The following PRR12 variants were observed in gnomAD, a reference collection of about 807,000 sequenced individuals.
PRR12 encodes the protein proline rich 12.
PRR12 carries 12 observed loss-of-function variants against 138.0 expected under a neutral mutation model. That is an observed-to-expected ratio of 0.09 (90% CI 0.06 to 0.14). PRR12 has a LOEUF of 0.14. PRR12 is among the 10% of genes least tolerant of loss of function. PRR12 has a pLI of 1.00. For synonymous variants in PRR12, 1,567 were observed against 1,291.7 expected, an observed-to-expected ratio of 1.21 and a Z score of -4.57; for missense variants, 2,692 against 2,861.3, an observed-to-expected ratio of 0.94 and a Z score of 1.35.
rs550171198 is a variant in PRR12, at chr19:49,599,047, G to A, written c.3679-225G>A. Among the ~76,000 whole-genome samples the A allele has an allele frequency of 2.0e-4, 27 of 135,960 alleles. 1 individual carries two copies. In the South Asian group the frequency reaches 6.4e-3, roughly 32 times the overall value. The allele number at this position is 135,960 out of a possible 152,430, so 89.2% of individuals were successfully genotyped here. A position where few individuals can be genotyped will look rare whatever the true frequency, so the allele number is the denominator to read the frequency against. On this transcript the variant is annotated intron_variant, in intron 4 of 13. Transcript: ENST00000418929. The surrounding 1 kb of genome is among the most constrained non-coding windows in gnomAD (Gnocchi z 5.0). ...TCATGGGAAGCGGGTCTAGGGACCT[G>A]AACTGGGCTGTAAGTGAAGAGGCTC...
At chr19:49,619,535 C>CTTTTT (rs760207958) in intron 9 of PRR12, among the ~76,000 whole-genome samples, 35 of 67,132 alleles carry the variant, frequency 5.2e-4, no homozygotes, top group Non-Finnish European at 6.2e-4. Flanking sequence ...ATGCCCAGCC[C>CTTTTT]TTTTTTTTTT....
intron 6 of PRR12, among the ~76,000 whole-genome samples, chr19:49,607,663 G>A (rs1202220935): frequency 6.8e-6 from 1 of 146,194 alleles, no homozygotes; most frequent in Admixed American, 6.8e-5. Flanking sequence ...AGCCGAGATC[G>A]TAGCACTGCA....
rs909836236 is a variant in PRR12, at chr19:49,599,334, A to G, written c.3741A>G (p.Ser1247=). Reference sequence around the variant, plus strand: ...GAACCTCATCGGGTGATGCCATATCAGGCACTGACCACAACAGCCTGGACT... The same window carrying G: ...GAACCTCATCGGGTGATGCCATATCGGGCACTGACCACAACAGCCTGGACT... ...GLGTSSGDAI[S]GTDHNSLDSS... The change falls in exon 5 of 14, where the codon TCA becomes TCG. Residue 1247 remains serine, a synonymous_variant. Coordinates refer to ENST00000418929, the MANE Select transcript of PRR12 (RefSeq NM_020719.3). This position sits in a 1 kb window ranked among gnomAD's most constrained non-coding sequence, Gnocchi z 5.0. 4 of 1,613,076 alleles carry G rather than the reference A, an allele frequency of 2.5e-6. No homozygotes were observed. The African/African-American group carries it at 5.3e-5, about 22-fold the overall frequency.
Position 49,595,812 on chromosome 19 carries a change from A to C in PRR12, c.1477A>C (p.Thr493Pro), listed in dbSNP as rs774763855. The change falls in exon 4 of 14, where the codon ACA (threonine) becomes CCA (proline). Residue 493 changes from threonine to proline, a missense_variant. This residue lies in a region of PRR12 where 523 missense variants were observed against 496.4 expected (regional missense o/e 1.05). Transcript: ENST00000418929. The stretch of plus-strand genomic sequence containing the variant: ...CGGCCCCCCTCCTCCTGGCCTGGCC[A>C]CATGTCAGAGCTACTCCCCGGACCA... ...PSGPPPPGLA[T>P]CQSYSPDQLQ... 16 of 1,598,462 alleles carry C rather than the reference A, an allele frequency of 1.0e-5. No homozygotes were observed. In the South Asian group the frequency reaches 1.7e-4, roughly 17 times the overall value.
intron 6 of PRR12, among the ~76,000 whole-genome samples, chr19:49,612,261 C>A (rs893517788): frequency 6.6e-5 from 10 of 150,630 alleles, no homozygotes; most frequent in Non-Finnish European, 1.5e-4. Context: ...TGCTAGTGAG[C>A]TCCCCAGGTC....
intron 6 of PRR12, among the ~76,000 whole-genome samples, chr19:49,612,937 AGGTGTG>A (rs1434866943): frequency 2.0e-5 from 3 of 151,964 alleles, no homozygotes; most frequent in African/African-American, 4.8e-5. Flanking sequence ...TTGGGATTAA[AGGTGTG>A]AGCCACTGCA....
In PRR12 at chr19:49,601,816, G is replaced by C. The variant is rs781508319; in HGVS notation, c.4671G>C (p.Val1557=). 29 of 1,612,490 alleles carry C rather than the reference G, an allele frequency of 1.8e-5. No individual in the cohort carries two copies. The East Asian group carries it at 4.7e-4, about 26-fold the overall frequency. The stretch of plus-strand genomic sequence containing the variant: ...CCAAAAAGCAGGAGACGGCGGCAGT[G>C]TGTGGGGAGACGGACGAGGAGGCCG... ...HLAKKQETAA[V]CGETDEEAGE... Residue 1557 remains valine, a synonymous_variant, in exon 6 of 14, where the codon GTG becomes GTC. Coordinates refer to ENST00000418929, the MANE Select transcript of PRR12 (RefSeq NM_020719.3).
Position 49,595,779 on chromosome 19 carries a change from C to A in PRR12, c.1444C>A (p.Pro482Thr), listed in dbSNP as rs750225850. ...APSYSGGPPQPPSGPPPPGLA... is the reference protein window; with the variant it reads ...APSYSGGPPQTPSGPPPPGLA... Reference sequence around the variant, plus strand: ...CAGCTACTCAGGGGGCCCCCCACAGCCCCCCAGCGGCCCCCCTCCTCCTGG... The same window carrying A: ...CAGCTACTCAGGGGGCCCCCCACAGACCCCCAGCGGCCCCCCTCCTCCTGG... The change falls in exon 4 of 14, where the codon CCC becomes ACC. Residue 482 changes from proline (P) to threonine (T), a missense_variant. Coordinates refer to ENST00000418929, the MANE Select transcript of PRR12 (RefSeq NM_020719.3). 1.3e-6 allele frequency: 2 copies of A among 1,598,514 alleles called. No individual in the cohort carries two copies. Among genetic ancestry groups the A allele is most frequent in the South Asian group, 2.2e-5 (2 of 89,950 alleles).
intron 1 of PRR12, 87 bp from the exon 2 acceptor site, chr19:49,593,240 T>TC: frequency 1.1e-5 from 4 of 376,600 alleles, no homozygotes; most frequent in Non-Finnish European, 1.8e-5. Context: ...GCTGGAAGGG[T>TC]CCCCCCAACT....
At position 49,625,742 on chromosome 19, in the gene PRR12, C is replaced by G. The variant is rs1267076338; in HGVS notation, c.*135C>G. 8.2e-7 allele frequency: 1 copy of G among 1,212,308 alleles called. No homozygotes were observed. The highest frequency in any genetic ancestry group is 1.5e-5 in the African/African-American group (1 of 64,750). The allele number at this position is 1,212,308 out of a possible 1,614,324, so 75.1% of individuals were successfully genotyped here. On this transcript the variant is annotated 3_prime_UTR_variant, in exon 14 of 14. Coordinates refer to ENST00000418929, the MANE Select transcript of PRR12 (RefSeq NM_020719.3). This position sits in a 1 kb window ranked among gnomAD's most constrained non-coding sequence, Gnocchi z 5.5. ...TGGGTCAGGGTGTGTCTGTGCTGCC[C>G]CCTCCAGGGCAGGGTTCAAAGTCCG...
At chr19:49,606,642 T>G (rs1599794024) in intron 6 of PRR12, among the ~76,000 whole-genome samples, 1 of 144,890 alleles carries the variant, frequency 6.9e-6, no homozygotes, top group East Asian at 2.0e-4. Context: ...TTATACCATC[T>G]CTCTTTTTTT....
chr19:49,597,982 G>A lies in PRR12; in HGVS notation c.3647G>A (p.Gly1216Asp). 1 of 1,390,374 alleles carries A rather than the reference G, an allele frequency of 7.2e-7. No individual in the cohort carries two copies. 86.1% of individuals were successfully genotyped at this position (1,390,374 alleles called of 1,614,324 possible). A position where few individuals can be genotyped will look rare whatever the true frequency, so the allele number is the denominator to read the frequency against. The change falls in exon 4 of 14, where the codon GGC becomes GAC. Residue 1216 changes from glycine (G) to aspartate (D), a missense_variant. Transcript: ENST00000418929. The surrounding 1 kb of genome is among the most constrained non-coding windows in gnomAD (Gnocchi z 6.3). ...GGTCGAAAGGCTGAGGAGGCAGGGG[G>A]CACCCGGTTGGAGCCCCTGAAGCCA... ...GRGRKAEEAG[G>D]TRLEPLKPLK...
Position 49,599,537 on chromosome 19 carries a change from C to G in PRR12, c.3944C>G (p.Pro1315Arg). The change falls in exon 5 of 14, where the codon CCC (proline) becomes CGC (arginine). Residue 1315 changes from proline to arginine, a missense_variant. By Grantham distance (103) the Pro-to-Arg change is moderately radical. Coordinates refer to ENST00000418929, the MANE Select transcript of PRR12 (RefSeq NM_020719.3). This position sits in a 1 kb window ranked among gnomAD's most constrained non-coding sequence, Gnocchi z 5.0. Reference protein sequence around the residue: ...PPLSPPKSVPPSVPARGLQPQ... With the variant: ...PPLSPPKSVPRSVPARGLQPQ... ...CTCAGCCCTCCCAAGAGTGTGCCAC[C>G]CTCTGTGCCAGCCCGAGGCCTGCAG... 1 of 1,596,998 alleles carries G rather than the reference C, an allele frequency of 6.3e-7. No individual in the cohort carries two copies. Among genetic ancestry groups the G allele is most frequent in the Non-Finnish European group, 8.5e-7 (1 of 1,172,362 alleles).
chr19:49,612,428 A>G (rs1207716475), intron 6 of PRR12, among the ~76,000 whole-genome samples: 2 of 151,834 alleles, frequency 1.3e-5, no homozygotes, highest in African/African-American at 4.8e-5. Context: ...CTGTTTGGGG[A>G]ACGGGCAAGG....
intron 9 of PRR12, among the ~76,000 whole-genome samples, chr19:49,619,646 A>T (rs1048613056): frequency 3.7e-5 from 5 of 134,662 alleles, no homozygotes; most frequent in Non-Finnish European, 7.7e-5. Flanking sequence ...GGTTCAAGGG[A>T]TTCTCCTGCC....
chr19:49,598,163 TC>T, intron 4 of PRR12, 150 bp downstream of exon 4: 1 of 939,370 alleles, frequency 1.1e-6, no homozygotes, highest in Non-Finnish European at 1.4e-6. Flanking sequence ...AAGCTCCGCC[TC>T]CCGGGTTCAC....
At chr19:49,593,898 A>C (rs1465666391) in intron 2 of PRR12, among the ~76,000 whole-genome samples, 1 of 151,926 alleles carries the variant, frequency 6.6e-6, no homozygotes, top group Non-Finnish European at 1.5e-5. Flanking sequence ...TTTGCCTCCA[A>C]GGTTTCTGAT....
Position 49,595,005 on chromosome 19 carries a change from AC to A in PRR12, c.677del (p.Pro226LeufsTer89). 1.9e-6 allele frequency: 3 copies of A among 1,579,662 alleles called. No individual in the cohort carries two copies. Among genetic ancestry groups the A allele is most frequent in the Admixed American group, 1.7e-5 (1 of 57,716 alleles). On this transcript the variant is annotated frameshift_variant, in exon 4 of 14. Transcript: ENST00000418929. LOFTEE classifies it high-confidence loss of function. ...GCCAGCTGGTCTCGGTCCAGCCCAG[AC>A]CCCCCCTTACCGCCCTGGCCCCCCA... is the stretch of plus-strand genomic sequence containing the variant. Reference protein sequence around the residue: ...LGPAGLGPAQTPPYRPGPPDP... With the variant: ...LGPAGLGPAQXPPYRPGPPDP...
chr19:49,621,873 C>G, intron 11 of PRR12: 2 of 519,280 alleles, frequency 3.9e-6, no homozygotes, highest in South Asian at 4.6e-5. Context: ...GCTGTTGTTT[C>G]GGAGAACAAG....
Sources: allele counts gnomAD v4.1 joint callset (sites outside exome capture counted in the v4.1 genomes callset), GRCh38; gene constraint gnomAD v4.1.1; regional missense constraint gnomAD v4.1.1; non-coding constraint Gnocchi (gnomAD v3.1); transcripts MANE v1.5; gene names NCBI Gene and HGNC (gene_info 2026-07-23, HGNC 2026-07-21).